Variants in CDH13 observed in about 807,000 individuals in gnomAD.
CDH13 encodes the protein cadherin-13.
A neutral mutation model predicts 63.8 loss-of-function variants in CDH13; 24 were observed. The ratio of observed to expected loss-of-function variants is 0.38; its 90% CI spans 0.27 to 0.53. The LOEUF is 0.53. CDH13 is among the 20% of genes least tolerant of loss of function. The pLI, the probability that CDH13 is intolerant of heterozygous loss-of-function variation, is 0.85. For missense variants in CDH13, 1,049 were observed against 903.1 expected, an observed-to-expected ratio of 1.16 and a Z score of -2.07; for synonymous variants, 503 against 355.3, an observed-to-expected ratio of 1.42 and a Z score of -4.67.
chr16:83,464,935 A>T (rs4782797), intron 6 of CDH13, among the ~76,000 whole-genome samples: 70,166 of 151,950 alleles, frequency 0.46, 16,820 homozygotes, highest in East Asian at 0.82. Flanking sequence ...GAGCCACTAG[A>T]TTTTTTACTG....
chr16:82,891,761 C>G (rs1320390091), intron 2 of CDH13, among the ~76,000 whole-genome samples: 1 of 152,128 alleles, frequency 6.6e-6, no homozygotes, highest in Non-Finnish European at 1.5e-5. Flanking sequence ...TCCATAGGAC[C>G]AGGCAACATA....
At chr16:82,698,850 T>C (rs2030652266) in intron 1 of CDH13, among the ~76,000 whole-genome samples, 1 of 152,246 alleles carries the variant, frequency 6.6e-6, no homozygotes, top group South Asian at 2.1e-4. Flanking sequence ...ATAGTAAATA[T>C]TTTAGACTTT....
At position 83,145,824 on chromosome 16, in the gene CDH13, G is replaced by A. The variant is rs1283175554; in HGVS notation, c.483+20323G>A. 1.3e-5 allele frequency among the ~76,000 whole-genome samples: 2 copies of A among 152,110 alleles called. 1 individual carries two copies. The highest frequency in any genetic ancestry group is 4.1e-4 in the South Asian group (2 of 4,820). On this transcript the variant is annotated intron_variant, in intron 4 of 13. Transcript: ENST00000567109. ...AATCTTTCACCTTCTACTGCAGAAGGTCCCACCTTTAGGTAGAATGATCAG... is the reference window on the plus strand; with the variant it reads ...AATCTTTCACCTTCTACTGCAGAAGATCCCACCTTTAGGTAGAATGATCAG...
At chr16:83,285,721 G>T (rs772191710) in intron 5 of CDH13, among the ~76,000 whole-genome samples, 4 of 152,120 alleles carry the variant, frequency 2.6e-5, no homozygotes, top group South Asian at 2.1e-4. Flanking sequence ...TTTGGTGTTT[G>T]TGGGGGAGGG....
intron 3 of CDH13, among the ~76,000 whole-genome samples, chr16:83,034,651 G>C (rs1255873498): frequency 6.6e-6 from 1 of 152,196 alleles, no homozygotes; most frequent in African/African-American, 2.4e-5. Flanking sequence ...TTTAGATGGC[G>C]ATTGTTCTTC....
chr16:82,944,446 AG>A (rs1904469735), intron 2 of CDH13, among the ~76,000 whole-genome samples: 1 of 152,184 alleles, frequency 6.6e-6, no homozygotes, highest in Non-Finnish European at 1.5e-5. Flanking sequence ...AGAATGCATA[AG>A]GGAGCTGCTT....
At chr16:82,817,455 A>G (rs2037776193) in intron 1 of CDH13, among the ~76,000 whole-genome samples, 1 of 152,142 alleles carries the variant, frequency 6.6e-6, no homozygotes, top group Non-Finnish European at 1.5e-5. Context: ...CAGTGACAAA[A>G]TACTCTCATA....
intron 6 of CDH13, among the ~76,000 whole-genome samples, chr16:83,416,578 A>T (rs758404642): frequency 2.6e-5 from 4 of 152,214 alleles, no homozygotes; most frequent in Non-Finnish European, 5.9e-5. Context: ...TCGAGCTATG[A>T]CATGCATACT....
intron 1 of CDH13, among the ~76,000 whole-genome samples, chr16:82,677,473 C>G (rs1440238500): frequency 1.1e-5 from 1 of 90,650 alleles, no homozygotes; most frequent in Non-Finnish European, 2.1e-5. Context: ...TGGTTTTTAA[C>G]TCATTATGAA....
chr16:83,516,526 A>G (rs896613313), intron 7 of CDH13, among the ~76,000 whole-genome samples: 34 of 152,224 alleles, frequency 2.2e-4, no homozygotes, highest in African/African-American at 7.7e-4. Context: ...TCTCTACAGT[A>G]TGACTTATAG....
chr16:83,065,454 C>T (rs946910825), intron 3 of CDH13, among the ~76,000 whole-genome samples: 10 of 152,116 alleles, frequency 6.6e-5, no homozygotes, highest in African/African-American at 2.4e-4. Flanking sequence ...CCTGTAATCC[C>T]AACACTTTGG....
intron 5 of CDH13, among the ~76,000 whole-genome samples, chr16:83,253,287 A>T (rs189506139): frequency 1.0e-3 from 154 of 152,286 alleles, no homozygotes; most frequent in African/African-American, 3.4e-3. Context: ...TGGTGCTGCT[A>T]GGGCGGGGTA....
At chr16:83,359,721 C>T (rs1024417676) in intron 6 of CDH13, among the ~76,000 whole-genome samples, 2 of 152,166 alleles carry the variant, frequency 1.3e-5, no homozygotes, top group Non-Finnish European at 2.9e-5. Flanking sequence ...AAATATTTGT[C>T]ACAAATTTGC....
intron 2 of CDH13, among the ~76,000 whole-genome samples, chr16:83,006,368 A>G (rs780039682): frequency 1.8e-4 from 28 of 152,340 alleles, no homozygotes; most frequent in Admixed American, 1.1e-3. Context: ...AAACGTTCAG[A>G]TATGTCTCCT....
chr16:82,689,430 C>A (rs1036618136), intron 1 of CDH13, among the ~76,000 whole-genome samples: 2 of 152,108 alleles, frequency 1.3e-5, no homozygotes, highest in Non-Finnish European at 1.5e-5. Context: ...AGTTTAGTAA[C>A]CTCCTTTTAC....
chr16:82,894,691 T>A (rs1436782566), intron 2 of CDH13, among the ~76,000 whole-genome samples: 1 of 63,224 alleles, frequency 1.6e-5, no homozygotes, highest in African/African-American at 7.7e-5. Flanking sequence ...AGTGAAAACA[T>A]CCCAGAAAAA....
intron 10 of CDH13, among the ~76,000 whole-genome samples, chr16:83,681,076 C>G (rs926985109): frequency 3.3e-5 from 5 of 152,032 alleles, no homozygotes; most frequent in Non-Finnish European, 4.4e-5. Context: ...ACAAGCACAA[C>G]TCTCTGAACC....
At chr16:83,467,698 C>T (rs1242967028) in intron 6 of CDH13, among the ~76,000 whole-genome samples, 1 of 152,164 alleles carries the variant, frequency 6.6e-6, no homozygotes, top group Non-Finnish European at 1.5e-5. Context: ...CTGTGTCGTT[C>T]CTGGCTGCAG....
intron 5 of CDH13, among the ~76,000 whole-genome samples, chr16:83,296,121 C>G (rs188264480): frequency 1.1e-4 from 16 of 152,228 alleles, no homozygotes; most frequent in Admixed American, 3.3e-4. Context: ...TTTCCACATT[C>G]TTAGCATTCT....
Sources: gnomAD v4.1 joint callset for allele counts (sites outside exome capture counted in the v4.1 genomes callset) on GRCh38, gnomAD v4.1.1 for gene constraint, MANE v1.5 for transcripts, NCBI Gene and HGNC (gene_info 2026-07-23, HGNC 2026-07-21) for gene names.